Variants in CCSER1 observed in about 807,000 individuals in gnomAD.
CCSER1 encodes serine-rich coiled-coil domain-containing protein 1.
In CCSER1, 41 loss-of-function variants were observed where a neutral mutation model predicts 82.0. The observed-to-expected ratio is 0.50, with a 90% confidence interval of 0.39 to 0.65. The LOEUF is 0.65. CCSER1 is among the 30% of genes least tolerant of loss of function. The pLI is 0.00. For missense variants in CCSER1, 1,119 were observed against 1,064.2 expected, an observed-to-expected ratio of 1.05 and a Z score of -0.72; for synonymous variants, 414 against 383.9, an observed-to-expected ratio of 1.08 and a Z score of -0.92.
At position 90,574,444 on chromosome 4, in the gene CCSER1, A is replaced by G. The variant is rs555899417; in HGVS notation, c.1725-53581A>G. On this transcript the variant is annotated intron_variant, in intron 5 of 10. Coordinates refer to ENST00000509176, the MANE Select transcript of CCSER1 (RefSeq NM_001145065.2). ...CCACCGCGCCCGGCTAATTTTTTGT[A>G]TTTTTAGTAGAGACGGGGTTTCACC... 3.2e-4 allele frequency among the ~76,000 whole-genome samples: 47 copies of G among 149,202 alleles called. No individual in the cohort carries two copies. The East Asian group carries it at 8.9e-3, about 28-fold the overall frequency.
At chr4:90,440,354 C>T (rs942480295) in intron 4 of CCSER1, among the ~76,000 whole-genome samples, 2 of 152,042 alleles carry the variant, frequency 1.3e-5, no homozygotes, top group Admixed American at 1.3e-4. Context: ...TTCTGTCTAA[C>T]TAAATAAAAG....
intron 9 of CCSER1, among the ~76,000 whole-genome samples, chr4:90,954,789 TA>T (rs5860212): frequency 6.6e-6 from 1 of 151,026 alleles, no homozygotes; most frequent in African/African-American, 2.4e-5. Context: ...GTACATTTAC[TA>T]AAAAAAAATG....
chr4:91,533,577 C>T (rs1400662081), intron 10 of CCSER1, among the ~76,000 whole-genome samples: 2 of 152,098 alleles, frequency 1.3e-5, no homozygotes, highest in East Asian at 3.8e-4. Context: ...AGAAGGCTGG[C>T]TATGATTATT....
intron 7 of CCSER1, among the ~76,000 whole-genome samples, chr4:90,811,032 T>C (rs7671307): frequency 0.33 from 50,496 of 151,354 alleles, 8,560 homozygotes; most frequent in East Asian, 0.42. Flanking sequence ...CGGGGTTTCA[T>C]TGTGTTAGCC....
chr4:91,231,557 T>C (rs964949714), intron 10 of CCSER1, among the ~76,000 whole-genome samples: 3 of 151,720 alleles, frequency 2.0e-5, no homozygotes, highest in African/African-American at 7.2e-5. Context: ...GTGTTGTAGA[T>C]GAAATTTATT....
At chr4:90,636,954 T>A (rs1225718163) in intron 6 of CCSER1, among the ~76,000 whole-genome samples, 1 of 152,174 alleles carries the variant, frequency 6.6e-6, no homozygotes, top group African/African-American at 2.4e-5. Context: ...AATAATAAAA[T>A]GACAGAATTA....
intron 10 of CCSER1, among the ~76,000 whole-genome samples, chr4:91,558,110 A>AC: frequency 6.7e-6 from 1 of 149,980 alleles, no homozygotes; most frequent in East Asian, 2.0e-4. Context: ...TAATAAAAAA[A>AC]ATATATTTCA....
chr4:90,234,584 A>C (rs1745405566), intron 1 of CCSER1, among the ~76,000 whole-genome samples: 1 of 152,174 alleles, frequency 6.6e-6, no homozygotes, highest in South Asian at 2.1e-4. Context: ...CCTGGTGGGA[A>C]GAAATAGGCC....
rs186724407 is a variant in CCSER1 at position 90,933,567 on chromosome 4, G to A, written c.2172+10120G>A. ...TGAAAAGATTAACTTTTCTTTGCAG[G>A]AGTATCAGTAATATGACACAATTAT... On this transcript the variant is annotated intron_variant, in intron 9 of 10. Coordinates refer to ENST00000509176, the MANE Select transcript of CCSER1 (RefSeq NM_001145065.2). Among the ~76,000 whole-genome samples, 101 of 151,812 alleles carry A rather than the reference G, an allele frequency of 6.7e-4. 1 individual carries two copies. The highest frequency in any genetic ancestry group is 2.2e-3 in the African/African-American group (92 of 41,402).
chr4:90,632,479 A>T (rs746837173), intron 6 of CCSER1, among the ~76,000 whole-genome samples: 8 of 151,892 alleles, frequency 5.3e-5, no homozygotes, highest in Non-Finnish European at 1.2e-4. Context: ...ATAATATATA[A>T]TATATACTTT....
At chr4:91,491,276 T>C (rs1758528218) in intron 10 of CCSER1, among the ~76,000 whole-genome samples, 1 of 151,874 alleles carries the variant, frequency 6.6e-6, no homozygotes, top group African/African-American at 2.4e-5. Flanking sequence ...CCATGTGCCC[T>C]CTCCATCGCC....
intron 5 of CCSER1, among the ~76,000 whole-genome samples, chr4:90,579,329 C>T (rs1781151856): frequency 6.6e-6 from 1 of 152,074 alleles, no homozygotes; most frequent in Non-Finnish European, 1.5e-5. Context: ...TTTGAGGTGA[C>T]GACTTTACTA....
chr4:91,234,570 A>G (rs1468341794), intron 10 of CCSER1, among the ~76,000 whole-genome samples: 1 of 152,100 alleles, frequency 6.6e-6, no homozygotes, highest in African/African-American at 2.4e-5. Context: ...GAATACCATA[A>G]AATAATATGT....
rs572261354 is a variant in CCSER1 at position 91,545,341 on chromosome 4, G to A, written c.2218-53231G>A. Among the ~76,000 whole-genome samples, 70 of 152,084 alleles carry A rather than the reference G, an allele frequency of 4.6e-4. 1 individual carries two copies. The highest frequency in any genetic ancestry group is 4.6e-3 in the Admixed American group (70 of 15,274). On this transcript the variant is annotated intron_variant, in intron 10 of 10. Coordinates refer to ENST00000509176, the MANE Select transcript of CCSER1 (RefSeq NM_001145065.2). ...GTGTGCTGCACCCACTGTCCGACAA[G>A]CCCCAGTGAGATGAAACAGGTACCT...
intron 1 of CCSER1, among the ~76,000 whole-genome samples, chr4:90,280,262 T>A (rs1728620913): frequency 6.6e-6 from 1 of 151,986 alleles, no homozygotes; most frequent in South Asian, 2.1e-4. Flanking sequence ...TAATGATGAA[T>A]TTTTGGGCAC....
intron 5 of CCSER1, among the ~76,000 whole-genome samples, chr4:90,500,682 A>G (rs2153611583): frequency 6.6e-6 from 1 of 152,278 alleles, no homozygotes; most frequent in South Asian, 2.1e-4. Flanking sequence ...AAATAGCATT[A>G]CAGCATAGAC....
chr4:90,162,234 C>T (rs529611410), intron 1 of CCSER1, among the ~76,000 whole-genome samples: 91 of 152,164 alleles, frequency 6.0e-4, no homozygotes, highest in Non-Finnish European at 1.2e-3. Context: ...AGAAAGCCTT[C>T]CCTTTATTAA....
At chr4:91,531,423 T>G (rs1761024455) in intron 10 of CCSER1, among the ~76,000 whole-genome samples, 1 of 152,210 alleles carries the variant, frequency 6.6e-6, no homozygotes, top group South Asian at 2.1e-4. Flanking sequence ...CTTAATTTTA[T>G]TTGTCTTTGG....
chr4:91,360,993 G>T (rs928938961), intron 10 of CCSER1, among the ~76,000 whole-genome samples: 1 of 151,938 alleles, frequency 6.6e-6, no homozygotes. Context: ...TGGAGTCAAT[G>T]AAATTCTTCA....
Sources: allele counts gnomAD v4.1 joint callset (sites outside exome capture counted in the v4.1 genomes callset), GRCh38; gene constraint gnomAD v4.1.1; transcripts MANE v1.5; gene names NCBI Gene and HGNC (gene_info 2026-07-23, HGNC 2026-07-21).